LMO7: variants seen among roughly 807,000 people sequenced by gnomAD.
LMO7 encodes LIM domain only protein 7.
A neutral mutation model predicts 206.5 loss-of-function variants in LMO7; 120 were observed. The ratio of observed to expected loss-of-function variants is 0.58; its 90% CI spans 0.50 to 0.68. LMO7 has a LOEUF of 0.68. LMO7 is among the 30% of genes least tolerant of loss of function. The pLI, the probability that LMO7 is intolerant of heterozygous loss-of-function variation, is 0.00. For missense variants in LMO7, 1,959 were observed against 1,957.9 expected (o/e 1.00, Z -0.01); for synonymous variants, 706 against 681.5 (o/e 1.04, Z -0.56).
Position 75,711,311 on chromosome 13 carries a change from CAT to C in LMO7, c.70-1869_70-1868del, listed in dbSNP as rs1226483847. 7.2e-5 allele frequency among the ~76,000 whole-genome samples: 11 copies of C among 152,300 alleles called. No homozygotes were observed. The East Asian group carries it at 2.1e-3, about 29-fold the overall frequency. On this transcript the variant is annotated intron_variant, in intron 1 of 30. Transcript: ENST00000377534. ...TTTGGTATCAGGATGATGCTGGCCT[CAT>C]AAAATGAGTTAGGGAGGACTCCCTC...
At chr13:75,777,791 G>T (rs1355311736) in intron 4 of LMO7, among the ~76,000 whole-genome samples, 1 of 151,684 alleles carries the variant, frequency 6.6e-6, no homozygotes, top group Non-Finnish European at 1.5e-5. Context: ...GACTACAGGC[G>T]CCTGCCACGA....
intron 1 of LMO7, among the ~76,000 whole-genome samples, chr13:75,695,546 C>A (rs539662144): frequency 5.5e-4 from 83 of 152,240 alleles, no homozygotes; most frequent in African/African-American, 1.9e-3. Context: ...GGGGTTTCAC[C>A]GTGTTGGCTC....
At chr13:75,836,018 CTTTTA>C (rs1427882396) in intron 18 of LMO7, among the ~76,000 whole-genome samples, 1 of 152,064 alleles carries the variant, frequency 6.6e-6, no homozygotes, top group Non-Finnish European at 1.5e-5. Flanking sequence ...AGGTATAACT[CTTTTA>C]TTTAATAAGG....
chr13:75,816,016 T>G (rs1403252675), intron 11 of LMO7, among the ~76,000 whole-genome samples: 3 of 152,208 alleles, frequency 2.0e-5, no homozygotes, highest in Non-Finnish European at 4.4e-5. Context: ...ATCTGTCCTT[T>G]GGCAATTGAA....
intron 1 of LMO7, among the ~76,000 whole-genome samples, chr13:75,651,297 T>C (rs1468803446): frequency 6.8e-6 from 1 of 146,876 alleles, no homozygotes; most frequent in Non-Finnish European, 1.5e-5. Context: ...TTATTCAGTT[T>C]AGTGTGGTTT....
intron 3 of LMO7, among the ~76,000 whole-genome samples, chr13:75,729,834 T>C (rs1299375392): frequency 2.0e-5 from 3 of 149,950 alleles, no homozygotes; most frequent in Non-Finnish European, 3.0e-5. Flanking sequence ...GTTTTTAGCA[T>C]GAAGGGTTGT....
intron 3 of LMO7, among the ~76,000 whole-genome samples, chr13:75,746,535 G>A (rs1255508321): frequency 1.3e-5 from 2 of 152,094 alleles, no homozygotes; most frequent in Non-Finnish European, 2.9e-5. Flanking sequence ...TAAAATTTGA[G>A]CCAACATTTA....
intron 1 of LMO7, among the ~76,000 whole-genome samples, chr13:75,689,943 T>G (rs935936247): frequency 1.3e-5 from 2 of 152,164 alleles, no homozygotes; most frequent in African/African-American, 4.8e-5. Flanking sequence ...ACATGTCTCC[T>G]GTGAGTTCTG....
intron 3 of LMO7, among the ~76,000 whole-genome samples, chr13:75,742,411 G>A (rs2046487958): frequency 6.6e-6 from 1 of 152,050 alleles, no homozygotes; most frequent in Non-Finnish European, 1.5e-5. Context: ...AGCCCCAATA[G>A]CCAGGGTAAT....
intron 1 of LMO7, among the ~76,000 whole-genome samples, chr13:75,687,211 G>C (rs1272627264): frequency 6.6e-6 from 1 of 152,190 alleles, no homozygotes; most frequent in African/African-American, 2.4e-5. Flanking sequence ...CTGATTGTGT[G>C]AGGAGTCTAA....
intron 3 of LMO7, among the ~76,000 whole-genome samples, chr13:75,745,792 G>T (rs1364119333): frequency 1.3e-5 from 2 of 152,120 alleles, no homozygotes; most frequent in African/African-American, 4.8e-5. Context: ...TGAAACATTG[G>T]CTTTTCTTAA....
At chr13:75,657,746 G>A (rs1255650339) in intron 1 of LMO7, among the ~76,000 whole-genome samples, 1 of 152,092 alleles carries the variant, frequency 6.6e-6, no homozygotes, top group East Asian at 1.9e-4. Context: ...CATGTAGAAG[G>A]TTTTTGTGTA....
chr13:75,780,845 C>A (rs530448334), intron 4 of LMO7, among the ~76,000 whole-genome samples: 1 of 152,206 alleles, frequency 6.6e-6, no homozygotes, highest in East Asian at 1.9e-4. Context: ...TCAGCTGGTC[C>A]CTTCGTTTGG....
chr13:75,647,635 C>T lies in LMO7; in HGVS notation c.69+10909C>T, dbSNP rs9600512. On this transcript the variant is annotated intron_variant, in intron 1 of 30. Coordinates refer to ENST00000377534, the MANE Select transcript of LMO7 (RefSeq NM_001306080.2). ...ATTGAGTTGTGTCCTGCAGTTTGAG[C>T]ATGGTCTGTATTCATAATTGGAGAC... Among the ~76,000 whole-genome samples the T allele has an allele frequency of 1.0e-2, 1,518 of 152,120 alleles. 33 individuals are homozygous for T. The highest frequency in any genetic ancestry group is 0.034 in the African/African-American group (1,406 of 41,470).
intron 1 of LMO7, among the ~76,000 whole-genome samples, chr13:75,692,403 T>C (rs1214524166): frequency 6.6e-6 from 1 of 151,918 alleles, no homozygotes; most frequent in East Asian, 1.9e-4. Flanking sequence ...TCCTTTTTTT[T>C]TTTTTCTTTC....
intron 4 of LMO7, among the ~76,000 whole-genome samples, chr13:75,773,495 C>A (rs372356094): frequency 2.0e-5 from 3 of 152,086 alleles, no homozygotes; most frequent in East Asian, 1.9e-4. Context: ...AAGGTAATTA[C>A]GGCAGTCAAT....
intron 2 of LMO7, among the ~76,000 whole-genome samples, chr13:75,719,180 A>G (rs191271743): frequency 1.4e-3 from 214 of 152,126 alleles, no homozygotes; most frequent in African/African-American, 4.1e-3. Flanking sequence ...GGGTTTCACC[A>G]TGTTGGCCAG....
At chr13:75,844,486 T>C (rs2059822569) in intron 25 of LMO7, among the ~76,000 whole-genome samples, 1 of 151,982 alleles carries the variant, frequency 6.6e-6, no homozygotes, top group African/African-American at 2.4e-5. Flanking sequence ...CTCAGCTCAC[T>C]GCAACCTCCA....
chr13:75,718,321 A>ATTT (rs2043727497), intron 2 of LMO7, among the ~76,000 whole-genome samples: 4 of 152,200 alleles, frequency 2.6e-5, no homozygotes, highest in African/African-American at 9.7e-5. Flanking sequence ...TTGTGGCCTT[A>ATTT]AAGTTGAGGG....
Sources: gnomAD v4.1 joint callset for allele counts (sites outside exome capture counted in the v4.1 genomes callset) on GRCh38, gnomAD v4.1.1 for gene constraint, MANE v1.5 for transcripts, NCBI Gene and HGNC (gene_info 2026-07-23, HGNC 2026-07-21) for gene names.